TAB2: variants seen among roughly 807,000 people sequenced by gnomAD.
TAB2 encodes the protein TGF-beta activated kinase 1 (MAP3K7) binding protein 2, also known as TGF-beta-activated kinase 1 and MAP3K7-binding protein 2.
In TAB2, 3 loss-of-function variants were observed where a neutral mutation model predicts 65.0. That is an observed-to-expected ratio of 0.05 (90% CI 0.02 to 0.12). The LOEUF is 0.12. Among genes scored for constraint, TAB2 ranks in the 10% least tolerant of loss-of-function variants. The pLI is 1.00. For missense variants in TAB2, 623 were observed against 840.3 expected, an observed-to-expected ratio of 0.74 and a Z score of 3.20; for synonymous variants, 298 against 285.1, an observed-to-expected ratio of 1.05 and a Z score of -0.46.
chr6:149,379,488 A>T lies in TAB2; in HGVS notation c.1573A>T (p.Met525Leu), dbSNP rs142662439. The T allele has an allele frequency of 6.2e-7, 1 of 1,614,156 alleles. No homozygotes were observed. Among genetic ancestry groups the T allele is most frequent in the Admixed American group, 1.7e-5 (1 of 60,026 alleles). Residue 525 changes from methionine to leucine, a missense_variant, in exon 3 of 7, where the codon ATG (methionine) becomes TTG (leucine). Met to Leu is a conservative substitution (Grantham distance 15, BLOSUM62 2). Transcript: ENST00000637181. ...AATAAGTGAAACACGGAAACTGAGT[A>T]TGGGATCTGATGATGCTGCCTACAC... is the stretch of plus-strand genomic sequence containing the variant. Reference protein sequence around the residue: ...DRISETRKLSMGSDDAAYTQA... With the variant: ...DRISETRKLSLGSDDAAYTQA...
intron 1 of TAB2, among the ~76,000 whole-genome samples, chr6:149,263,567 T>C (rs1479191678): frequency 1.3e-5 from 2 of 152,202 alleles, no homozygotes; most frequent in Non-Finnish European, 2.9e-5. Flanking sequence ...AGAAGTGCCA[T>C]GTTAAGCAAA....
At chr6:149,261,001 C>T (rs1216787439) in intron 1 of TAB2, among the ~76,000 whole-genome samples, 1 of 152,122 alleles carries the variant, frequency 6.6e-6, no homozygotes, top group Non-Finnish European at 1.5e-5. Flanking sequence ...GCATTTAAGT[C>T]ATGTTTGCAG....
Position 149,368,618 on chromosome 6 carries a change from A to G in TAB2, c.-89-1291A>G, listed in dbSNP as rs181330436. ...ACTTTCTCTCCTGCAACCCATTTAT[A>G]GAAACACTACTTTTGAATGCGAAAA... On this transcript the variant is annotated intron_variant, in intron 1 of 6. Coordinates refer to ENST00000637181, the MANE Select transcript of TAB2 (RefSeq NM_001292034.3). 5.3e-5 allele frequency among the ~76,000 whole-genome samples: 8 copies of G among 151,544 alleles called. No individual in the cohort carries two copies. The East Asian group carries it at 1.4e-3, about 26-fold the overall frequency.
chr6:149,287,514 T>C (rs1778699611), intron 1 of TAB2, among the ~76,000 whole-genome samples: 1 of 145,956 alleles, frequency 6.9e-6, no homozygotes, highest in Non-Finnish European at 1.5e-5. Flanking sequence ...TATTAGAAAA[T>C]TGTGACTTTT....
intron 1 of TAB2, among the ~76,000 whole-genome samples, chr6:149,262,931 A>G (rs1778185568): frequency 6.6e-6 from 1 of 151,956 alleles, no homozygotes; most frequent in Non-Finnish European, 1.5e-5. Context: ...AGCCTCTCAA[A>G]TAGCTGAGAC....
In TAB2 at chr6:149,272,612, C is replaced by T. The variant is rs1302156928; in HGVS notation, c.-121+53836C>T. ...AGGATCCTTGTGATTACCATGTGCCCACCCAAATCATCCAGGATAATCTTC... is the reference window on the plus strand; with the variant it reads ...AGGATCCTTGTGATTACCATGTGCCTACCCAAATCATCCAGGATAATCTTC... On this transcript the variant is annotated intron_variant, in intron 1 of 1. Coordinates refer to the TAB2 transcript ENST00000606202. Among the ~76,000 whole-genome samples the T allele has an allele frequency of 2.0e-5, 3 of 152,172 alleles. No individual in the cohort carries two copies. The East Asian group carries it at 5.8e-4, about 29-fold the overall frequency.
At chr6:149,389,211 C>A (rs1781902002) in intron 3 of TAB2, among the ~76,000 whole-genome samples, 1 of 152,052 alleles carries the variant, frequency 6.6e-6, no homozygotes, top group East Asian at 1.9e-4. Flanking sequence ...GCATCGGCCT[C>A]CCAAAGTGCT....
intron 3 of TAB2, among the ~76,000 whole-genome samples, chr6:149,389,342 T>C (rs1353483399): frequency 2.0e-5 from 3 of 151,936 alleles, no homozygotes; most frequent in Non-Finnish European, 2.9e-5. Flanking sequence ...CTTGAACATA[T>C]CCTCTTTTAA....
At chr6:149,223,438 T>G (rs769995503) in intron 1 of TAB2, among the ~76,000 whole-genome samples, 16 of 152,256 alleles carry the variant, frequency 1.1e-4, no homozygotes, top group Non-Finnish European at 1.9e-4. Context: ...CCCCTGTGAT[T>G]TTCCAAATTA....
rs1782833001 is a variant in TAB2 at position 149,410,862 on chromosome 6, A to G, written c.*1143A>G. The G allele has an allele frequency of 1.3e-5, 2 of 152,476 alleles. No individual in the cohort carries two copies. The highest frequency in any genetic ancestry group is 4.8e-5 in the African/African-American group (2 of 41,462). 9.4% of individuals were successfully genotyped at this position (152,476 alleles called of 1,614,324 possible). ...ATTGGGAAAGTACAGTCTCAAAACC[A>G]GCAACAGCAGCAGTACCTACAGCCC... On this transcript the variant is annotated 3_prime_UTR_variant, in exon 7 of 7. Coordinates refer to ENST00000637181, the MANE Select transcript of TAB2 (RefSeq NM_001292034.3).
intron 1 of TAB2, among the ~76,000 whole-genome samples, chr6:149,286,631 CA>C (rs1285986867): frequency 6.6e-6 from 1 of 152,132 alleles, no homozygotes; most frequent in Non-Finnish European, 1.5e-5. Flanking sequence ...GGTTTAAGCA[CA>C]AAAACGTTCA....
chr6:149,334,017 A>G (rs1779861623), intron 1 of TAB2, among the ~76,000 whole-genome samples: 1 of 152,226 alleles, frequency 6.6e-6, no homozygotes, highest in Non-Finnish European at 1.5e-5. Context: ...TATGCATTAT[A>G]AGTCATTTGA....
intron 1 of TAB2, among the ~76,000 whole-genome samples, chr6:149,223,991 T>C (rs1384203600): frequency 6.6e-6 from 1 of 152,082 alleles, no homozygotes; most frequent in African/African-American, 2.4e-5. Context: ...CCTAGTAACC[T>C]CTTTGCAGCC....
chr6:149,275,122 T>G lies in TAB2; in HGVS notation c.-121+56346T>G, dbSNP rs375961941. Reference sequence around the variant, plus strand: ...ATTTCCCTAATTTTTTTTCTCTTCTTCTGTTTTTTTTTTTTTTTTTTGAGT... The same window carrying G: ...ATTTCCCTAATTTTTTTTCTCTTCTGCTGTTTTTTTTTTTTTTTTTTGAGT... On this transcript the variant is annotated intron_variant, in intron 1 of 1. Transcript: ENST00000606202. Among the ~76,000 whole-genome samples, 29 of 120,946 alleles carry G rather than the reference T, an allele frequency of 2.4e-4. 1 individual carries two copies. Among genetic ancestry groups the G allele is most frequent in the South Asian group, 7.6e-4 (3 of 3,968 alleles). The allele number at this position is 120,946 out of a possible 152,430, so 79.3% of individuals were successfully genotyped here. A position where few individuals can be genotyped will look rare whatever the true frequency, so the allele number is the denominator to read the frequency against.
intron 1 of TAB2, among the ~76,000 whole-genome samples, chr6:149,257,200 C>A (rs532314269): frequency 6.6e-6 from 1 of 152,154 alleles, no homozygotes; most frequent in Non-Finnish European, 1.5e-5. Context: ...CCAGTAAGCA[C>A]GTCCACGGAA....
chr6:149,248,180 T>G (rs73603503), intron 1 of TAB2, among the ~76,000 whole-genome samples: 1 of 151,910 alleles, frequency 6.6e-6, no homozygotes, highest in Non-Finnish European at 1.5e-5. Context: ...TCACCTGAGG[T>G]CAGGAGTTCA....
chr6:149,234,864 G>GAAAA lies in TAB2; in HGVS notation c.-121+16102_-121+16105dup, dbSNP rs386408903. Among the ~76,000 whole-genome samples, 662 of 95,432 alleles carry GAAAA rather than the reference G, an allele frequency of 6.9e-3. 9 individuals are homozygous for GAAAA. Among genetic ancestry groups the GAAAA allele is most frequent in the African/African-American group, 0.019 (497 of 25,986 alleles). 62.6% of individuals were successfully genotyped at this position (95,432 alleles called of 152,430 possible). A position where few individuals can be genotyped will look rare whatever the true frequency, so the allele number is the denominator to read the frequency against. On this transcript the variant is annotated intron_variant, in intron 1 of 1. Transcript: ENST00000606202. Reference sequence around the variant, plus strand: ...TGAGACGACTAAGATTAGAGAGTGTGAAAAAAAAAAAAAAAAACACACTCT... The same window carrying GAAAA: ...TGAGACGACTAAGATTAGAGAGTGTGAAAAAAAAAAAAAAAAAAAAACACACTCT...
chr6:149,264,671 T>C (rs1167057588), intron 1 of TAB2, among the ~76,000 whole-genome samples: 1 of 152,190 alleles, frequency 6.6e-6, no homozygotes, highest in East Asian at 1.9e-4. Flanking sequence ...AGTGCAGGAA[T>C]GGCTGAAGGA....
At chr6:149,283,917 T>C (rs1481675042) in intron 1 of TAB2, among the ~76,000 whole-genome samples, 1 of 152,126 alleles carries the variant, frequency 6.6e-6, no homozygotes, top group Non-Finnish European at 1.5e-5. Context: ...AGTTCAAGAT[T>C]TCAGGACACA....
Sources: allele counts gnomAD v4.1 joint callset (sites outside exome capture counted in the v4.1 genomes callset), GRCh38; gene constraint gnomAD v4.1.1; transcripts MANE v1.5; gene names NCBI Gene and HGNC (gene_info 2026-07-23, HGNC 2026-07-21).